Variants in CYP39A1 observed in about 807,000 individuals in gnomAD.
CYP39A1 encodes the protein 24-hydroxycholesterol 7-alpha-hydroxylase.
Under a neutral mutation model 58.1 loss-of-function variants are expected in CYP39A1, and 49 were observed. The ratio of observed to expected loss-of-function variants is 0.84; its 90% confidence interval spans 0.67 to 1.07. The LOEUF (loss-of-function observed/expected upper bound fraction) is 1.07. CYP39A1 is among the 50% of genes least tolerant of loss of function. CYP39A1 has a pLI of 0.00. For synonymous variants in CYP39A1, 209 were observed against 187.6 expected (o/e 1.11, Z -0.93); for missense variants, 531 against 539.4 (o/e 0.98, Z 0.16).
chr6:46,550,954 A>AT (rs1443530125), intron 11 of CYP39A1, among the ~76,000 whole-genome samples: 1 of 152,176 alleles, frequency 6.6e-6, no homozygotes, highest in East Asian at 1.9e-4. Context: ...TAGGCTCCAA[A>AT]TATTCTGACT....
intron 10 of CYP39A1, among the ~76,000 whole-genome samples, chr6:46,584,248 G>T (rs1443256266): frequency 1.3e-5 from 2 of 152,038 alleles, no homozygotes; most frequent in Non-Finnish European, 2.9e-5. Context: ...ACTTGATGAG[G>T]TTTCTTAAAT....
chr6:46,565,607 G>A (rs1042180278), intron 10 of CYP39A1, among the ~76,000 whole-genome samples: 1 of 152,136 alleles, frequency 6.6e-6, no homozygotes, highest in African/African-American at 2.4e-5. Flanking sequence ...CTTTTCATTT[G>A]CCATGGACCC....
chr6:46,604,938 A>G (rs1366676378), intron 7 of CYP39A1, among the ~76,000 whole-genome samples: 1 of 152,026 alleles, frequency 6.6e-6, no homozygotes. Context: ...CCTGCGCCAC[A>G]TTGGAGGAGA....
At chr6:46,629,345 GC>G (rs1057139079) in intron 6 of CYP39A1, among the ~76,000 whole-genome samples, 1 of 152,194 alleles carries the variant, frequency 6.6e-6, no homozygotes, top group Non-Finnish European at 1.5e-5. Context: ...TGACAGGAGT[GC>G]CTGTTTTGTT....
intron 7 of CYP39A1, among the ~76,000 whole-genome samples, chr6:46,598,342 A>C (rs527630052): frequency 2.6e-4 from 40 of 152,300 alleles, no homozygotes; most frequent in African/African-American, 9.4e-4. Context: ...ATTATTTCCA[A>C]GGCAATCCTC....
chr6:46,644,467 C>G (rs1776531217), intron 1 of CYP39A1, among the ~76,000 whole-genome samples: 1 of 152,096 alleles, frequency 6.6e-6, no homozygotes, highest in South Asian at 2.1e-4. Context: ...TTGCAGTGAG[C>G]TATGATTTGC....
intron 7 of CYP39A1, among the ~76,000 whole-genome samples, chr6:46,611,502 T>C (rs993880657): frequency 6.6e-6 from 1 of 152,230 alleles, no homozygotes; most frequent in African/African-American, 2.4e-5. Flanking sequence ...AATCCCATTC[T>C]ATCATGTCAA....
intron 7 of CYP39A1, among the ~76,000 whole-genome samples, chr6:46,619,764 T>G (rs1393120025): frequency 6.6e-6 from 1 of 152,114 alleles, no homozygotes; most frequent in Admixed American, 6.6e-5. Context: ...AGCACTTAGT[T>G]CATAAGTTTC....
At position 46,636,484 on chromosome 6, in the gene CYP39A1, T is replaced by C. The variant is rs769505802; in HGVS notation, c.639-2A>G. On this transcript the variant is annotated splice_acceptor_variant, in intron 4 of 11. Coordinates refer to ENST00000275016, the MANE Select transcript of CYP39A1 (RefSeq NM_016593.5). LOFTEE classifies it high-confidence loss of function. ...CACTTTTTGGATTTTGACCAGTTTC[T>C]ACATGAGAAAAAATATATATAGAAA... 6.3e-7 allele frequency: 1 copy of C among 1,585,558 alleles called. No homozygotes were observed. The highest frequency in any genetic ancestry group is 1.8e-5 in the Admixed American group (1 of 56,882).
intron 10 of CYP39A1, among the ~76,000 whole-genome samples, chr6:46,567,837 A>C (rs1771379542): frequency 6.6e-6 from 1 of 152,152 alleles, no homozygotes; most frequent in African/African-American, 2.4e-5. Flanking sequence ...AAGGTTAAAC[A>C]AATTGTTTTG....
chr6:46,603,687 C>T (rs1582380745), intron 7 of CYP39A1, among the ~76,000 whole-genome samples: 1 of 152,210 alleles, frequency 6.6e-6, no homozygotes, highest in Non-Finnish European at 1.5e-5. Flanking sequence ...GTCTCAGACA[C>T]TTTTTGGTTT....
At chr6:46,599,318 G>GA (rs1773353123) in intron 7 of CYP39A1, among the ~76,000 whole-genome samples, 1 of 152,116 alleles carries the variant, frequency 6.6e-6, no homozygotes, top group African/African-American at 2.4e-5. Flanking sequence ...CCAGACGGGG[G>GA]AGGGAGGTGT....
Position 46,571,254 on chromosome 6 carries a change from A to AG in CYP39A1, c.1250+15822dup, listed in dbSNP as rs958068675. Among the ~76,000 whole-genome samples the AG allele has an allele frequency of 4.2e-4, 64 of 152,280 alleles. 1 individual carries two copies. Among genetic ancestry groups the AG allele is most frequent in the African/African-American group, 1.3e-3 (55 of 41,574 alleles). ...GTTAGGTCCATTTGGTCTAAAATGT[A>AG]GTTCAAGTCCCATGTTTCCTTATTG... On this transcript the variant is annotated intron_variant, in intron 10 of 11. Coordinates refer to ENST00000275016, the MANE Select transcript of CYP39A1 (RefSeq NM_016593.5).
chr6:46,564,128 CTATTTTATTCTATTCTATTT>C (rs1322268201), intron 10 of CYP39A1, among the ~76,000 whole-genome samples: 9 of 115,366 alleles, frequency 7.8e-5, no homozygotes, highest in Non-Finnish European at 1.1e-4. Context: ...CTATTTTATT[CTATTTTATTCTATTCTATTT>C]TATTCTATTT....
At chr6:46,635,271 A>G (rs1775914224) in intron 5 of CYP39A1, among the ~76,000 whole-genome samples, 1 of 152,228 alleles carries the variant, frequency 6.6e-6, no homozygotes, top group Non-Finnish European at 1.5e-5. Flanking sequence ...CTTTACAAAA[A>G]TTAAATCATT....
intron 2 of CYP39A1, among the ~76,000 whole-genome samples, chr6:46,640,576 T>C (rs1195065024): frequency 1.3e-5 from 2 of 152,232 alleles, no homozygotes; most frequent in Non-Finnish European, 2.9e-5. Context: ...TATTTTATCT[T>C]GTTTTATTGA....
intron 10 of CYP39A1, among the ~76,000 whole-genome samples, chr6:46,556,385 G>T (rs564364518): frequency 1.3e-5 from 2 of 152,178 alleles, no homozygotes; most frequent in Non-Finnish European, 2.9e-5. Context: ...CAGAAAAGAA[G>T]GAGTTTCACA....
At chr6:46,554,520 C>A (rs556880696) in intron 10 of CYP39A1, among the ~76,000 whole-genome samples, 16 of 152,254 alleles carry the variant, frequency 1.1e-4, no homozygotes, top group African/African-American at 3.9e-4. Context: ...TTTCAGCATG[C>A]CCTACAATAT....
chr6:46,627,159 CT>C (rs1236735022), intron 6 of CYP39A1, among the ~76,000 whole-genome samples: 1 of 152,128 alleles, frequency 6.6e-6, no homozygotes, highest in Admixed American at 6.5e-5. Flanking sequence ...CAAGGACAGC[CT>C]GGGGAAAACT....
Sources: allele counts gnomAD v4.1 joint callset (sites outside exome capture counted in the v4.1 genomes callset), GRCh38; gene constraint gnomAD v4.1.1; transcripts MANE v1.5; gene names NCBI Gene and HGNC (gene_info 2026-07-23, HGNC 2026-07-21).